Variants in PAX8 observed in about 807,000 individuals in gnomAD.
PAX8 encodes paired box 8, also known as paired box protein Pax-8.
Under a neutral mutation model 52.4 loss-of-function variants are expected in PAX8, and 15 were observed. That is an observed-to-expected ratio of 0.29 (90% CI 0.19 to 0.44). PAX8 has a LOEUF of 0.44. Among genes scored for constraint, PAX8 ranks in the 20% least tolerant of loss-of-function variants. The pLI, the probability that PAX8 is intolerant of heterozygous loss-of-function variation, is 1.00. For missense variants in PAX8, 554 were observed against 602.5 expected, an observed-to-expected ratio of 0.92 and a Z score of 0.84; for synonymous variants, 284 against 249.7, an observed-to-expected ratio of 1.14 and a Z score of -1.29.
intron 2 of PAX8, among the ~76,000 whole-genome samples, chr2:113,277,328 GCCCGGGCCCC>G (rs1264747666): frequency 6.6e-6 from 1 of 152,260 alleles, no homozygotes; most frequent in Non-Finnish European, 1.5e-5. Flanking sequence ...GCGCCGCAGA[GCCCGGGCCCC>G]CGCAGTGCGC....
At position 113,242,728 on chromosome 2, in the gene PAX8, C is replaced by T. The variant is rs1690967575; in HGVS notation, c.440G>A (p.Cys147Tyr). 5 of 1,613,870 alleles carry T rather than the reference C, an allele frequency of 3.1e-6. No individual in the cohort carries two copies. The highest frequency in any genetic ancestry group is 4.2e-6 in the Non-Finnish European group (5 of 1,179,940). Reference protein sequence around the residue: ...QQPFNLPMDSCVATKSLSPGH... With the variant: ...QQPFNLPMDSYVATKSLSPGH... ...GGGACTCAGGGACTTGGTGGCCACG[C>T]AGCTGTCCATAGGGAGGTTGAATGG... Residue 147 changes from cysteine (C) to tyrosine (Y), a missense_variant, in exon 5 of 12, where the codon TGC (cysteine) becomes TAC (tyrosine). Coordinates refer to ENST00000429538, the MANE Select transcript of PAX8 (RefSeq NM_003466.4).
chr2:113,278,741 A>G (rs1298852202), intron 1 of PAX8, 90 bp downstream of exon 1: 3 of 682,030 alleles, frequency 4.4e-6, no homozygotes, highest in African/African-American at 3.7e-5. Context: ...TGGGAGGGAA[A>G]AGGCTGCCAG....
At chr2:113,271,456 C>CT (rs1693452566) in intron 2 of PAX8, 1 of 152,126 alleles carries the variant, frequency 6.6e-6, no homozygotes, top group South Asian at 2.1e-4. Flanking sequence ...GGCTGATCAT[C>CT]TCCTTCCTTC....
In PAX8 at chr2:113,278,478, A is replaced by T; in HGVS notation, c.-75-9T>A. ...CCGCGCCTGCCGCTGCCCTGCACAA[A>T]CCCAGGAGAAGGGCATGAGATGCGA... is the stretch of plus-strand genomic sequence containing the variant. On this transcript the variant is annotated splice_polypyrimidine_tract_variant and intron_variant, in intron 1 of 11. Transcript: ENST00000429538. The T allele has an allele frequency of 6.3e-7, 1 of 1,592,942 alleles. No individual in the cohort carries two copies. The highest frequency in any genetic ancestry group is 8.6e-7 in the Non-Finnish European group (1 of 1,169,562).
At chr2:113,226,999 C>A in intron 10 of PAX8, 156 bp downstream of exon 10, 1 of 1,528,054 alleles carries the variant, frequency 6.5e-7, no homozygotes, top group South Asian at 1.2e-5. Context: ...ACATCGTCTC[C>A]AGGCATTTAC....
intron 2 of PAX8, chr2:113,250,922 C>G (rs573976893): frequency 5.3e-5 from 8 of 152,142 alleles, no homozygotes; most frequent in Admixed American, 3.3e-4. Flanking sequence ...TGGGGAGACC[C>G]GTAAGTGGTT....
chr2:113,218,724 T>G (rs1017997706), intron 11 of PAX8, 115 bp from the exon 12 acceptor site: 88 of 621,388 alleles, frequency 1.4e-4, no homozygotes, highest in Non-Finnish European at 1.4e-5. Flanking sequence ...CATTCATTTC[T>G]CTGGCCTATC....
chr2:113,250,036 G>A (rs1219169868), intron 2 of PAX8, among the ~76,000 whole-genome samples: 7 of 152,070 alleles, frequency 4.6e-5, no homozygotes, highest in Non-Finnish European at 7.4e-5. Flanking sequence ...GGGAGGCCGA[G>A]GTGGGTGGAT....
chr2:113,233,061 C>G (rs1462114282), intron 9 of PAX8, among the ~76,000 whole-genome samples: 1 of 144,474 alleles, frequency 6.9e-6, no homozygotes, highest in East Asian at 2.1e-4. Context: ...CCCTTCCCCT[C>G]CCTTCCTCTC....
chr2:113,221,857 G>A (rs75141071), intron 10 of PAX8, among the ~76,000 whole-genome samples: 2,860 of 151,980 alleles, frequency 0.019, 106 homozygotes, highest in African/African-American at 0.064. Flanking sequence ...AGTCAATGAC[G>A]GACTGAGAAC....
At chr2:113,246,684 G>T in intron 3 of PAX8, 70 bp downstream of exon 3, 1 of 1,539,480 alleles carries the variant, frequency 6.5e-7, no homozygotes. Context: ...GAATTCTCTA[G>T]CTGCCCTGAG....
At chr2:113,244,684 G>A in intron 3 of PAX8, 60 bp from the exon 4 acceptor site, 1 of 1,483,290 alleles carries the variant, frequency 6.7e-7, no homozygotes, top group African/African-American at 1.4e-5. Context: ...TTTAGACAGG[G>A]ATTTAGCCAG....
At chr2:113,243,742 T>C (rs1397536941) in intron 4 of PAX8, among the ~76,000 whole-genome samples, 1 of 152,252 alleles carries the variant, frequency 6.6e-6, no homozygotes, top group African/African-American at 2.4e-5. Context: ...TTTGCATAAC[T>C]GTCTGAGCTC....
chr2:113,233,330 G>GC (rs1553412582), intron 9 of PAX8, among the ~76,000 whole-genome samples: 1 of 137,870 alleles, frequency 7.3e-6, no homozygotes, highest in Non-Finnish European at 1.5e-5. Flanking sequence ...ATGTACGGAG[G>GC]AAAAAAAAAA....
rs1293554032 is a variant in PAX8, at chr2:113,278,415, C to G, written c.-21G>C. On this transcript the variant is annotated 5_prime_UTR_variant, in exon 2 of 12. Coordinates refer to ENST00000429538, the MANE Select transcript of PAX8 (RefSeq NM_003466.4). ...GGCATCGCCGGGGAGTCGCTCGCAG[C>G]CCGCCGAGGGCTCGGGGCTTCCTCC... The G allele has an allele frequency of 6.2e-7, 1 of 1,610,634 alleles. No homozygotes were observed. Among genetic ancestry groups the G allele is most frequent in the Non-Finnish European group, 8.5e-7 (1 of 1,178,860 alleles).
chr2:113,252,665 C>T (rs1295848873), intron 2 of PAX8, among the ~76,000 whole-genome samples: 1 of 152,222 alleles, frequency 6.6e-6, no homozygotes, highest in East Asian at 1.9e-4. Flanking sequence ...ACTTGTCTTC[C>T]TAAGGGAAAC....
rs1252879946 is a variant in PAX8 at position 113,245,036 on chromosome 2, GTTTTTTTTGTTTT to G, written c.192-425_192-413del. 1.9e-4 allele frequency among the ~76,000 whole-genome samples: 26 copies of G among 137,702 alleles called. No individual in the cohort carries two copies. The East Asian group carries it at 3.0e-3, about 16-fold the overall frequency. 90.3% of individuals were successfully genotyped at this position (137,702 alleles called of 152,430 possible). A position where few individuals can be genotyped will look rare whatever the true frequency, so the allele number is the denominator to read the frequency against. ...TTCTTTTGGCTAAAGCACGACTGAG[GTTTTTTTTGTTTT>G]TTTTTTTTGTTTTTTGAGACAGGGT... On this transcript the variant is annotated intron_variant, in intron 3 of 11. Coordinates refer to ENST00000429538, the MANE Select transcript of PAX8 (RefSeq NM_003466.4).
intron 8 of PAX8, 113 bp from the exon 9 acceptor site, chr2:113,235,695 C>T (rs1376026441): frequency 2.5e-6 from 2 of 785,712 alleles, no homozygotes; most frequent in South Asian, 1.8e-5. Context: ...GGGGCAGGCT[C>T]AGCTGCCCTC....
chr2:113,233,677 C>CAA lies in PAX8; in HGVS notation c.1087+1715_1087+1716dup, dbSNP rs72013345. ...TGGGCAACAGAGTGAGATTCCATCT[C>CAA]AAAAAACAAAAAAACAAAAAAAAAA... is the stretch of plus-strand genomic sequence containing the variant. On this transcript the variant is annotated intron_variant, in intron 9 of 11. Coordinates refer to ENST00000429538, the MANE Select transcript of PAX8 (RefSeq NM_003466.4). 1.4e-3 allele frequency among the ~76,000 whole-genome samples: 98 copies of CAA among 69,604 alleles called. 1 individual carries two copies. The highest frequency in any genetic ancestry group is 3.3e-3 in the East Asian group (8 of 2,412). 45.7% of individuals were successfully genotyped at this position (69,604 alleles called of 152,430 possible). A position where few individuals can be genotyped will look rare whatever the true frequency, so the allele number is the denominator to read the frequency against.
Sources: gnomAD v4.1 joint callset for allele counts (sites outside exome capture counted in the v4.1 genomes callset) on GRCh38, gnomAD v4.1.1 for gene constraint, MANE v1.5 for transcripts, NCBI Gene and HGNC (gene_info 2026-07-23, HGNC 2026-07-21) for gene names.